BNC2: variants seen among roughly 807,000 people sequenced by gnomAD.
The protein encoded by BNC2 is zinc finger protein basonuclin-2.
Under a neutral mutation model 76.3 loss-of-function variants are expected in BNC2, and 20 were observed. That is an observed-to-expected ratio of 0.26 (90% CI 0.18 to 0.38). The LOEUF (loss-of-function observed/expected upper bound fraction) is 0.38. Ranked by LOEUF, BNC2 falls within the 10% of genes least tolerant of loss-of-function variation. BNC2 has a pLI of 1.00. For synonymous variants in BNC2, 582 were observed against 514.8 expected, an observed-to-expected ratio of 1.13 and a Z score of -1.77; for missense variants, 1,382 against 1,399.8, an observed-to-expected ratio of 0.99 and a Z score of 0.20.
intron 4 of BNC2, among the ~76,000 whole-genome samples, chr9:16,561,645 T>C (rs555055414): frequency 6.6e-6 from 1 of 152,296 alleles, no homozygotes; most frequent in Admixed American, 6.5e-5. Context: ...ATATTCTATA[T>C]GGTACACTAG....
chr9:16,601,826 C>T (rs1325289256), intron 3 of BNC2, among the ~76,000 whole-genome samples: 1 of 152,144 alleles, frequency 6.6e-6, no homozygotes, highest in Admixed American at 6.5e-5. Flanking sequence ...AGATTGCGTA[C>T]AACTGGCCGT....
chr9:16,785,507 G>A (rs564689348), intron 1 of BNC2, among the ~76,000 whole-genome samples: 53 of 150,570 alleles, frequency 3.5e-4, no homozygotes, highest in African/African-American at 1.2e-3. Flanking sequence ...CAATTCTCCT[G>A]CCTCAGCCTC....
rs1258725209 is a variant in BNC2, at chr9:16,409,793, G to A, written c.*9196C>T. 4 of 152,460 alleles carry A rather than the reference G, an allele frequency of 2.6e-5. No individual in the cohort carries two copies. The highest frequency in any genetic ancestry group is 4.4e-5 in the Non-Finnish European group (3 of 67,974). 9.4% of individuals were successfully genotyped at this position (152,460 alleles called of 1,614,324 possible). On this transcript the variant is annotated 3_prime_UTR_variant, in exon 7 of 7. Transcript: ENST00000380672. ...ATACAGTATTTAGGAAGCTACCAAC[G>A]TCACAATGATTAGATCAGGGTGATG...
chr9:16,861,942 T>G (rs1305080750), intron 1 of BNC2, among the ~76,000 whole-genome samples: 1 of 151,648 alleles, frequency 6.6e-6, no homozygotes, highest in African/African-American at 2.4e-5. Context: ...TGAGCCGAGA[T>G]TGCACCACTG....
intron 3 of BNC2, among the ~76,000 whole-genome samples, chr9:16,720,607 A>C (rs1824127557): frequency 6.6e-6 from 1 of 152,200 alleles, no homozygotes; most frequent in Non-Finnish European, 1.5e-5. Context: ...GATTATTTTC[A>C]TTTTCTTTAC....
chr9:16,434,564 T>C (rs543652170), intron 6 of BNC2, among the ~76,000 whole-genome samples: 1 of 152,242 alleles, frequency 6.6e-6, no homozygotes, highest in Non-Finnish European at 1.5e-5. Flanking sequence ...GCTGGTGGTG[T>C]ATTATGTACG....
intron 1 of BNC2, among the ~76,000 whole-genome samples, chr9:16,811,046 G>A (rs1039486778): frequency 6.6e-5 from 10 of 151,332 alleles, no homozygotes; most frequent in African/African-American, 1.7e-4. Context: ...GTGAAACCCC[G>A]TCTCTACTAA....
At chr9:16,667,760 T>G (rs1319138749) in intron 3 of BNC2, among the ~76,000 whole-genome samples, 1 of 152,224 alleles carries the variant, frequency 6.6e-6, no homozygotes, top group Admixed American at 6.5e-5. Flanking sequence ...GCATATGTTT[T>G]GAGGACCTAC....
intron 3 of BNC2, among the ~76,000 whole-genome samples, chr9:16,667,089 A>G (rs966375445): frequency 4.6e-5 from 7 of 151,392 alleles, no homozygotes; most frequent in African/African-American, 1.7e-4. Flanking sequence ...ATACACACAC[A>G]CACACACACA....
chr9:16,780,101 T>G (rs1586877811), intron 1 of BNC2, among the ~76,000 whole-genome samples: 4 of 150,490 alleles, frequency 2.7e-5, no homozygotes, highest in African/African-American at 9.8e-5. Flanking sequence ...CCGGGCGCGG[T>G]GGCGGGTGCC....
intron 5 of BNC2, among the ~76,000 whole-genome samples, chr9:16,474,097 A>C (rs1220630542): frequency 6.6e-6 from 1 of 152,164 alleles, no homozygotes; most frequent in Non-Finnish European, 1.5e-5. Flanking sequence ...CTGATGTAGC[A>C]TTTGCTTTAA....
At chr9:16,759,791 C>T (rs1406799323) in intron 1 of BNC2, among the ~76,000 whole-genome samples, 3 of 151,764 alleles carry the variant, frequency 2.0e-5, no homozygotes, top group African/African-American at 7.3e-5. Flanking sequence ...TGGCACCATC[C>T]CGGCTCACTG....
chr9:16,695,579 T>C (rs1587325139), intron 3 of BNC2, among the ~76,000 whole-genome samples: 1 of 150,388 alleles, frequency 6.6e-6, no homozygotes, highest in South Asian at 2.1e-4. Context: ...CTTGCTAAGT[T>C]ACCCAGGCTG....
At chr9:16,493,122 TCCTATTTC>T (rs1822312391) in intron 5 of BNC2, among the ~76,000 whole-genome samples, 1 of 152,132 alleles carries the variant, frequency 6.6e-6, no homozygotes, top group Non-Finnish European at 1.5e-5. Context: ...TTCACGTAAG[TCCTATTTC>T]GAAGAAATAA....
chr9:16,671,133 T>C (rs1469128563), intron 3 of BNC2, among the ~76,000 whole-genome samples: 1 of 152,150 alleles, frequency 6.6e-6, no homozygotes, highest in Non-Finnish European at 1.5e-5. Flanking sequence ...ATCATCTCAG[T>C]AATTCATCTT....
chr9:16,601,026 AGAG>A (rs1820229896), intron 3 of BNC2, among the ~76,000 whole-genome samples: 1 of 152,210 alleles, frequency 6.6e-6, no homozygotes, highest in Non-Finnish European at 1.5e-5. Flanking sequence ...GGAAGGGGCA[AGAG>A]GAGTCTGTAA....
In BNC2 at chr9:16,635,791, G is replaced by A. The variant is rs531217653; in HGVS notation, c.331-52706C>T. 3.9e-5 allele frequency among the ~76,000 whole-genome samples: 6 copies of A among 152,246 alleles called. No homozygotes were observed. The South Asian group carries it at 1.2e-3, about 32-fold the overall frequency. ...AATGTTTAAGATTTGGTGCCTAGAG[G>A]CCATAATCAGTTTTTAAAAGTAAAG... On this transcript the variant is annotated intron_variant, in intron 3 of 6. Coordinates refer to ENST00000380672, the MANE Select transcript of BNC2 (RefSeq NM_017637.6).
intron 5 of BNC2, among the ~76,000 whole-genome samples, chr9:16,471,100 G>A (rs563609786): frequency 7.9e-5 from 12 of 152,284 alleles, no homozygotes; most frequent in African/African-American, 2.9e-4. Flanking sequence ...TTACATCAGC[G>A]TGATGTGGAT....
chr9:16,459,744 C>T (rs1158858708), intron 5 of BNC2, among the ~76,000 whole-genome samples: 1 of 152,080 alleles, frequency 6.6e-6, no homozygotes, highest in African/African-American at 2.4e-5. Flanking sequence ...CAATTAATCA[C>T]AAGTTAGTCT....
Sources: gnomAD v4.1 joint callset for allele counts (sites outside exome capture counted in the v4.1 genomes callset) on GRCh38, gnomAD v4.1.1 for gene constraint, MANE v1.5 for transcripts, NCBI Gene and HGNC (gene_info 2026-07-23, HGNC 2026-07-21) for gene names.